The following DST variants were observed in gnomAD, a reference collection of about 807,000 sequenced individuals.
The protein encoded by DST is dystonin, also known as bullous pemphigoid antigen.
Under a neutral mutation model 875.2 loss-of-function variants are expected in DST, and 253 were observed. That is an observed-to-expected ratio of 0.29 (90% CI 0.26 to 0.32). The LOEUF (loss-of-function observed/expected upper bound fraction) is 0.32. Ranked by LOEUF, DST falls within the 10% of genes least tolerant of loss-of-function variation. The probability of loss-of-function intolerance (pLI) is 1.00; values close to 1 mark genes in which losing one functional copy is unlikely to be tolerated. For synonymous variants in DST, 3,124 were observed against 3,197.1 expected, an observed-to-expected ratio of 0.98 and a Z score of 0.77; for missense variants, 8,287 against 9,111.6, an observed-to-expected ratio of 0.91 and a Z score of 3.68.
intron 9 of DST, among the ~76,000 whole-genome samples, chr6:56,684,699 T>TTTAC (rs2099172094): frequency 6.6e-6 from 1 of 152,214 alleles, no homozygotes; most frequent in Non-Finnish European, 1.5e-5. Flanking sequence ...TTTTCTTCTG[T>TTTAC]TTCAGCAGCC....
chr6:56,809,134 C>T (rs1043291674), intron 4 of DST, among the ~76,000 whole-genome samples: 2 of 152,164 alleles, frequency 1.3e-5, no homozygotes, highest in African/African-American at 4.8e-5. Context: ...TTGAAAGGCA[C>T]TCATCCCTCT....
intron 45 of DST, 123 bp downstream of exon 45, chr6:56,599,946 G>C (rs1008280014): frequency 1.2e-6 from 1 of 831,392 alleles, no homozygotes; most frequent in Non-Finnish European, 1.8e-6. Flanking sequence ...AGGGCGTCTT[G>C]GGTATGCCTT....
In DST at chr6:56,642,094, T is replaced by C; in HGVS notation, c.1880A>G (p.Lys627Arg). 1 of 1,611,502 alleles carries C rather than the reference T, an allele frequency of 6.2e-7. No individual in the cohort carries two copies. The highest frequency in any genetic ancestry group is 1.1e-5 in the South Asian group (1 of 91,006). Residue 627 changes from lysine (K) to arginine (R), a missense_variant, in exon 17 of 104, where the codon AAA becomes AGA. By Grantham distance (26) the Lys-to-Arg change is conservative (BLOSUM62 2). This residue lies in a region of DST where 1,160 missense variants were observed against 1,424.3 expected (regional missense o/e 0.81). Coordinates refer to ENST00000680361, the MANE Select transcript of DST (RefSeq NM_001374736.1). ...LAGNALQSDSKRLESGVQFQN... is the reference protein window; with the variant it reads ...LAGNALQSDSRRLESGVQFQN... ...AAACTGCACTCCTGATTCTAATCTT[T>C]TAGAATCCTGTATTTTAAAAGAACT...
intron 2 of DST, among the ~76,000 whole-genome samples, chr6:56,939,149 G>T (rs1301753979): frequency 6.6e-6 from 1 of 152,230 alleles, no homozygotes; most frequent in African/African-American, 2.4e-5. Context: ...CAGTCACCAA[G>T]TCTGAGAGTT....
chr6:56,712,002 A>T (rs2099366112), intron 5 of DST, among the ~76,000 whole-genome samples: 1 of 148,118 alleles, frequency 6.8e-6, no homozygotes, highest in Non-Finnish European at 1.5e-5. Flanking sequence ...GAGGCAGGAG[A>T]ATGGCGTGAA....
chr6:56,828,638 G>C (rs2099783578), intron 4 of DST, among the ~76,000 whole-genome samples: 1 of 152,214 alleles, frequency 6.6e-6, no homozygotes, highest in Admixed American at 6.5e-5. Flanking sequence ...ATAATCAGGA[G>C]ACCTTAGTTT....
intron 61 of DST, among the ~76,000 whole-genome samples, chr6:56,544,785 A>G (rs1339609850): frequency 6.6e-6 from 1 of 152,200 alleles, no homozygotes; most frequent in Non-Finnish European, 1.5e-5. Flanking sequence ...GATTTGTGCT[A>G]TTAAAATTTG....
chr6:56,604,420 G>A lies in DST; in HGVS notation c.10208C>T (p.Ser3403Phe), dbSNP rs2098475836. The change falls in exon 40 of 104, where the codon TCT becomes TTT. Residue 3403 changes from serine to phenylalanine, a missense_variant. Ser to Phe is a radical substitution (Grantham distance 155). Transcript: ENST00000680361. ...CATTTGAGAGTCGCTGGGCACAGTA[G>A]ATGCCTCATTTACCAACTGTGATGT... ...ITTSQLVNEASTVPSDSQMSD... is the reference protein window; with the variant it reads ...ITTSQLVNEAFTVPSDSQMSD... 1 of 1,609,826 alleles carries A rather than the reference G, an allele frequency of 6.2e-7. No individual in the cohort carries two copies. Among genetic ancestry groups the A allele is most frequent in the African/African-American group, 1.3e-5 (1 of 74,806 alleles).
At chr6:56,625,476 C>T (rs977485265) in intron 34 of DST, among the ~76,000 whole-genome samples, 6 of 151,828 alleles carry the variant, frequency 4.0e-5, no homozygotes, top group African/African-American at 1.2e-4. Context: ...AAAGACAGAC[C>T]GTATACATGA....
intron 4 of DST, among the ~76,000 whole-genome samples, chr6:56,746,444 A>G (rs1371454128): frequency 2.0e-5 from 3 of 152,226 alleles, no homozygotes; most frequent in African/African-American, 7.2e-5. Context: ...AACAATTTAA[A>G]TATCAGTCAC....
At position 56,634,148 on chromosome 6, in the gene DST, G is replaced by A; in HGVS notation, c.3605C>T (p.Ala1202Val). The A allele has an allele frequency of 6.2e-7, 1 of 1,613,148 alleles. No individual in the cohort carries two copies. Among genetic ancestry groups the A allele is most frequent in the Non-Finnish European group, 8.5e-7 (1 of 1,180,010 alleles). ...YLINEIDRIR[A>V]SNVASIKTML... The stretch of plus-strand genomic sequence containing the variant: ...CATACTTACTGAAGCCACATTGCTA[G>A]CTCGAATTCTATCAATTTCATTGAT... Residue 1202 changes from alanine to valine, a missense_variant, in exon 27 of 104, where the codon GCT becomes GTT. By Grantham distance (64) the Ala-to-Val change is moderately conservative (BLOSUM62 0). Around this residue, in one of 10 missense-constraint regions of DST, gnomAD observed 3,138 missense variants for 3,116.6 expected, o/e 1.01. Transcript: ENST00000680361.
intron 4 of DST, among the ~76,000 whole-genome samples, chr6:56,836,792 A>C (rs2099794099): frequency 6.7e-6 from 1 of 149,618 alleles, no homozygotes; most frequent in Non-Finnish European, 1.5e-5. Flanking sequence ...CGGAGCTTGC[A>C]GTGAGCCAAG....
intron 4 of DST, among the ~76,000 whole-genome samples, chr6:56,837,493 G>A (rs1044364999): frequency 6.6e-5 from 10 of 151,936 alleles, no homozygotes; most frequent in African/African-American, 2.2e-4. Context: ...AGTCCTCCGC[G>A]CTGCTGCCAG....
chr6:56,915,626 C>T (rs1245343895), intron 2 of DST, among the ~76,000 whole-genome samples: 1 of 152,094 alleles, frequency 6.6e-6, no homozygotes, highest in East Asian at 1.9e-4. Context: ...TGCTAATTTG[C>T]AATAAGTCAC....
chr6:56,779,160 C>T (rs2152988182), intron 4 of DST, among the ~76,000 whole-genome samples: 1 of 152,080 alleles, frequency 6.6e-6, no homozygotes, highest in Middle Eastern at 3.4e-3. Flanking sequence ...TTTCATGTGT[C>T]TTTTGGCTGC....
intron 3 of DST, among the ~76,000 whole-genome samples, chr6:56,876,762 C>CAACT (rs1379786188): frequency 1.3e-5 from 2 of 152,186 alleles, no homozygotes; most frequent in Admixed American, 6.5e-5. Flanking sequence ...TTTTCTTTAA[C>CAACT]AACTTCTAAC....
intron 2 of DST, among the ~76,000 whole-genome samples, chr6:56,944,013 C>A (rs1353901868): frequency 1.3e-5 from 2 of 151,838 alleles, no homozygotes; most frequent in Non-Finnish European, 2.9e-5. Context: ...GCTACTCGGG[C>A]AGCTGAGGCA....
intron 44 of DST, among the ~76,000 whole-genome samples, chr6:56,600,739 A>G (rs2098438690): frequency 6.6e-6 from 1 of 152,044 alleles, no homozygotes; most frequent in East Asian, 1.9e-4. Context: ...CGTTATTGCT[A>G]TTAGATATAG....
intron 49 of DST, among the ~76,000 whole-genome samples, chr6:56,582,356 G>A (rs1403151424): frequency 2.0e-5 from 3 of 151,954 alleles, no homozygotes; most frequent in African/African-American, 7.3e-5. Flanking sequence ...AGCAAGATCT[G>A]GTCATTTAAA....
Sources: allele counts gnomAD v4.1 joint callset (sites outside exome capture counted in the v4.1 genomes callset), GRCh38; gene constraint gnomAD v4.1.1; regional missense constraint gnomAD v4.1.1; transcripts MANE v1.5; gene names NCBI Gene and HGNC (gene_info 2026-07-23, HGNC 2026-07-21).